Variants in GKAP1 observed in about 807,000 individuals in gnomAD.
GKAP1 encodes G kinase-anchoring protein 1.
Under a neutral mutation model 56.7 loss-of-function variants are expected in GKAP1, and 31 were observed. The observed-to-expected ratio is 0.55, with a 90% CI of 0.41 to 0.74. The LOEUF is 0.74. Ranked by LOEUF, GKAP1 falls within the 30% of genes least tolerant of loss-of-function variation. GKAP1 has a pLI of 0.00. For missense variants in GKAP1, 364 were observed against 402.3 expected (o/e 0.90, Z 0.82); for synonymous variants, 151 against 138.6 (o/e 1.09, Z -0.63).
At chr9:83,793,375 A>G (rs549275460) in intron 4 of GKAP1, among the ~76,000 whole-genome samples, 5 of 152,360 alleles carry the variant, frequency 3.3e-5, no homozygotes, top group East Asian at 3.9e-4. Flanking sequence ...TGTAGACTAC[A>G]TATCTTTCAG....
chr9:83,804,971 C>T (rs1486745221), intron 3 of GKAP1, among the ~76,000 whole-genome samples: 1 of 152,194 alleles, frequency 6.6e-6, no homozygotes, highest in African/African-American at 2.4e-5. Context: ...GGAGGTGTAC[C>T]CAACAGCTCA....
intron 8 of GKAP1, among the ~76,000 whole-genome samples, chr9:83,761,996 A>G (rs183732447): frequency 5.3e-4 from 81 of 152,304 alleles, no homozygotes; most frequent in African/African-American, 1.7e-3. Context: ...GATCTGGAAC[A>G]AGACAAGGAT....
At chr9:83,776,765 A>G (rs1391854847) in intron 7 of GKAP1, among the ~76,000 whole-genome samples, 1 of 152,198 alleles carries the variant, frequency 6.6e-6, no homozygotes, top group Non-Finnish European at 1.5e-5. Context: ...TCATTTTTTT[A>G]GCGTATTTTT....
intron 2 of GKAP1, among the ~76,000 whole-genome samples, chr9:83,810,998 A>G (rs1248538234): frequency 1.3e-5 from 2 of 152,254 alleles, no homozygotes; most frequent in East Asian, 3.8e-4. Context: ...AATGGTAAGT[A>G]TTTGTATATC....
chr9:83,814,219 G>A (rs1001560085), intron 2 of GKAP1, among the ~76,000 whole-genome samples: 9 of 152,264 alleles, frequency 5.9e-5, no homozygotes, highest in South Asian at 2.1e-4. Context: ...AATAGCATGC[G>A]TTAGGGCTTT....
At chr9:83,786,828 T>C (rs1464323128) in intron 5 of GKAP1, among the ~76,000 whole-genome samples, 1 of 152,172 alleles carries the variant, frequency 6.6e-6, no homozygotes, top group Admixed American at 6.5e-5. Context: ...AGTACGACAT[T>C]TTATCAACAC....
Position 83,784,697 on chromosome 9 carries a change from G to C in GKAP1, c.562+18C>G. ...GTAGAATAGTTCTTTTAGCATAATA[G>C]CATTGTATATACATTACCTTCCGAA... is the stretch of plus-strand genomic sequence containing the variant. On this transcript the variant is annotated intron_variant, in intron 6 of 12. Transcript: ENST00000376371. 6.5e-7 allele frequency: 1 copy of C among 1,528,590 alleles called. No individual in the cohort carries two copies. Among genetic ancestry groups the C allele is most frequent in the Non-Finnish European group, 8.8e-7 (1 of 1,132,314 alleles). 94.7% of individuals were successfully genotyped at this position (1,528,590 alleles called of 1,614,324 possible).
Position 83,748,295 on chromosome 9 carries a change from T to C in GKAP1, c.904+14A>G. The C allele has an allele frequency of 1.3e-6, 2 of 1,554,814 alleles. No homozygotes were observed. The highest frequency in any genetic ancestry group is 1.2e-5 in the South Asian group (1 of 86,572). ...AGATAAACTTTTAATTACAAAAACA[T>C]AAAATCCACTTACTTTCACCTTCCT... On this transcript the variant is annotated intron_variant, in intron 10 of 12. Transcript: ENST00000376371.
At chr9:83,788,170 C>G (rs1408791016) in intron 5 of GKAP1, among the ~76,000 whole-genome samples, 3 of 152,144 alleles carry the variant, frequency 2.0e-5, no homozygotes, top group East Asian at 1.9e-4. Context: ...CCCAGCTACT[C>G]AGGAGGCTGA....
intron 8 of GKAP1, among the ~76,000 whole-genome samples, chr9:83,760,316 T>C (rs1210249193): frequency 6.6e-6 from 1 of 152,108 alleles, no homozygotes; most frequent in Non-Finnish European, 1.5e-5. Context: ...CAAGAAGATA[T>C]AACAATTTTA....
intron 10 of GKAP1, 142 bp from the exon 11 acceptor site, chr9:83,742,742 T>A: frequency 4.0e-6 from 2 of 500,704 alleles, no homozygotes; most frequent in Non-Finnish European, 3.6e-6. Flanking sequence ...TGACCTTGCA[T>A]AGCTCTTACT....
intron 7 of GKAP1, 84 bp downstream of exon 7, chr9:83,780,298 T>C: frequency 1.2e-6 from 1 of 812,084 alleles, no homozygotes; most frequent in Non-Finnish European, 2.0e-6. Context: ...TGATTATGTC[T>C]CAAAAAAGAC....
At chr9:83,766,656 C>T (rs1487071216) in intron 8 of GKAP1, among the ~76,000 whole-genome samples, 2 of 152,034 alleles carry the variant, frequency 1.3e-5, no homozygotes, top group African/African-American at 4.8e-5. Context: ...CGATAACATC[C>T]ATTGAAGAGA....
intron 8 of GKAP1, among the ~76,000 whole-genome samples, chr9:83,757,008 C>G (rs182832863): frequency 6.6e-6 from 1 of 152,124 alleles, no homozygotes; most frequent in Admixed American, 6.5e-5. Flanking sequence ...AAAAGATGTA[C>G]AAGATAAAGC....
At chr9:83,804,450 C>T (rs1944396486) in intron 3 of GKAP1, among the ~76,000 whole-genome samples, 2 of 128,666 alleles carry the variant, frequency 1.6e-5, no homozygotes, top group Admixed American at 7.6e-5. Context: ...GTGAGGGGCG[C>T]CTCTGCCCGG....
chr9:83,761,230 TAAA>T (rs566503179), intron 8 of GKAP1, among the ~76,000 whole-genome samples: 3 of 151,146 alleles, frequency 2.0e-5, no homozygotes, highest in African/African-American at 7.3e-5. Flanking sequence ...AAAACACAGA[TAAA>T]AAAAGAGACA....
At chr9:83,812,494 C>T (rs1249572919) in intron 2 of GKAP1, among the ~76,000 whole-genome samples, 2 of 150,874 alleles carry the variant, frequency 1.3e-5, no homozygotes, top group Admixed American at 6.6e-5. Context: ...ACTACAGGCA[C>T]GTGACACCAT....
intron 7 of GKAP1, among the ~76,000 whole-genome samples, chr9:83,779,448 T>TATACACACACACACAC (rs1554742273): frequency 1.2e-4 from 14 of 119,614 alleles, no homozygotes; most frequent in African/African-American, 1.9e-4. Context: ...TATATATATA[T>TATACACACACACACAC]ACACACACAC....
At chr9:83,790,356 A>G (rs1374639426) in intron 4 of GKAP1, among the ~76,000 whole-genome samples, 1 of 152,258 alleles carries the variant, frequency 6.6e-6, no homozygotes, top group East Asian at 1.9e-4. Context: ...TACTATATAC[A>G]CTTATGTACA....
Sources: gnomAD v4.1 joint callset for allele counts (sites outside exome capture counted in the v4.1 genomes callset) on GRCh38, gnomAD v4.1.1 for gene constraint, MANE v1.5 for transcripts, NCBI Gene and HGNC (gene_info 2026-07-23, HGNC 2026-07-21) for gene names.